Variants in COL11A1 observed in about 807,000 individuals in gnomAD.
COL11A1 encodes the protein collagen type XI alpha 1 chain, also known as collagen alpha-1(XI) chain.
A neutral mutation model predicts 265.2 loss-of-function variants in COL11A1; 74 were observed. The observed-to-expected ratio is 0.28, with a 90% CI of 0.23 to 0.34. The LOEUF is 0.34. COL11A1 is among the 10% of genes least tolerant of loss of function. COL11A1 has a pLI of 1.00. For missense variants in COL11A1, 2,165 were observed against 2,263.6 expected, an observed-to-expected ratio of 0.96 and a Z score of 0.88; for synonymous variants, 816 against 727.6, an observed-to-expected ratio of 1.12 and a Z score of -1.96.
At chr1:102,902,918 T>C (rs1271202620) in intron 54 of COL11A1, among the ~76,000 whole-genome samples, 1 of 151,732 alleles carries the variant, frequency 6.6e-6, no homozygotes, top group East Asian at 1.9e-4. Flanking sequence ...TGTGTGTGCA[T>C]AATAAGTTAA....
At chr1:103,074,867 A>C in intron 3 of COL11A1, 87 bp from the exon 4 acceptor site, 1 of 1,448,908 alleles carries the variant, frequency 6.9e-7, no homozygotes, top group Non-Finnish European at 9.6e-7. Flanking sequence ...GTGTATTTTA[A>C]ATTATAAAAA....
At chr1:103,031,660 G>A (rs1275798590) in intron 4 of COL11A1, among the ~76,000 whole-genome samples, 2 of 151,920 alleles carry the variant, frequency 1.3e-5, no homozygotes, top group African/African-American at 4.8e-5. Flanking sequence ...AGCTCAATAA[G>A]CTTAAAAGGA....
chr1:102,963,730 A>G (rs1661138339), intron 38 of COL11A1, among the ~76,000 whole-genome samples: 1 of 152,154 alleles, frequency 6.6e-6, no homozygotes, highest in Admixed American at 6.5e-5. Flanking sequence ...TAATTATACA[A>G]TTGCTGTAAT....
At chr1:102,988,075 T>C (rs1663756480) in intron 29 of COL11A1, among the ~76,000 whole-genome samples, 1 of 152,066 alleles carries the variant, frequency 6.6e-6, no homozygotes, top group Non-Finnish European at 1.5e-5. Flanking sequence ...AGTTACAATG[T>C]TTATAACTTC....
intron 1 of COL11A1, among the ~76,000 whole-genome samples, chr1:103,083,466 T>A (rs974023172): frequency 9.2e-5 from 14 of 152,186 alleles, no homozygotes; most frequent in African/African-American, 3.4e-4. Flanking sequence ...ATTCATAATC[T>A]AAACAGAGGT....
At chr1:103,000,426 CA>C (rs765382394) in intron 24 of COL11A1, among the ~76,000 whole-genome samples, 1 of 151,606 alleles carries the variant, frequency 6.6e-6, no homozygotes, top group African/African-American at 2.4e-5. Context: ...ATAAATAATC[CA>C]ATTAGAATAT....
intron 4 of COL11A1, among the ~76,000 whole-genome samples, chr1:103,050,937 C>T (rs1669762202): frequency 1.3e-5 from 2 of 152,298 alleles, no homozygotes; most frequent in Admixed American, 1.3e-4. Context: ...ACCACAAATG[C>T]TGCGGCCTGA....
intron 4 of COL11A1, among the ~76,000 whole-genome samples, chr1:103,047,741 G>T (rs1224350173): frequency 2.0e-5 from 3 of 152,012 alleles, no homozygotes; most frequent in Admixed American, 6.6e-5. Context: ...GCTGTGGTTT[G>T]TCATAGATAG....
Position 103,008,499 on chromosome 1 carries a change from A to T in COL11A1, c.1647T>A (p.Ser549=). ...GATCACCACTCTCACCTTTGGCCCC[A>T]GATGAACCAGGCCCCCCCTATAGAG... ...RPGPVGGPGS[S]GAKGESGDPG... is the part of the protein sequence containing the mutation. Residue 549 remains serine, a synonymous_variant, in exon 15 of 67, where the codon TCT becomes TCA. Coordinates refer to ENST00000370096, the MANE Select transcript of COL11A1 (RefSeq NM_001854.4). The T allele has an allele frequency of 6.2e-7, 1 of 1,613,952 alleles. No homozygotes were observed. Among genetic ancestry groups the T allele is most frequent in the Non-Finnish European group, 8.5e-7 (1 of 1,179,886 alleles).
At chr1:103,002,097 C>G (rs902557185) in intron 23 of COL11A1, 128 bp from the exon 24 acceptor site, 6 of 824,232 alleles carry the variant, frequency 7.3e-6, no homozygotes, top group Non-Finnish European at 1.2e-5. Context: ...CCCATACACC[C>G]CAAGGAATTT....
intron 4 of COL11A1, among the ~76,000 whole-genome samples, chr1:103,049,615 G>A (rs936363227): frequency 9.2e-5 from 14 of 152,082 alleles, no homozygotes; most frequent in South Asian, 4.1e-4. Context: ...AGTTAATATC[G>A]TTATGTGTTA....
At chr1:102,991,915 G>C (rs1220336190) in intron 28 of COL11A1, among the ~76,000 whole-genome samples, 1 of 151,216 alleles carries the variant, frequency 6.6e-6, no homozygotes, top group African/African-American at 2.4e-5. Context: ...ATGTGATTGG[G>C]CAATGGCAGA....
At chr1:103,070,674 C>G (rs929320357) in intron 4 of COL11A1, among the ~76,000 whole-genome samples, 8 of 151,746 alleles carry the variant, frequency 5.3e-5, no homozygotes. Flanking sequence ...AAATGGTATA[C>G]TTTTAATATT....
intron 49 of COL11A1, 26 bp from the exon 50 acceptor site, chr1:102,915,710 T>A (rs1373761183): frequency 6.5e-7 from 1 of 1,526,882 alleles, no homozygotes; most frequent in South Asian, 1.1e-5. Flanking sequence ...CAAATTAGTA[T>A]TAGAATACAG....
intron 1 of COL11A1, among the ~76,000 whole-genome samples, chr1:103,086,518 G>A (rs1672876831): frequency 6.6e-6 from 1 of 152,090 alleles, no homozygotes; most frequent in Non-Finnish European, 1.5e-5. Flanking sequence ...CCAGGTTCAC[G>A]CCACTCTCCT....
Position 103,006,243 on chromosome 1 carries a change from C to G in COL11A1, c.1737+19G>C. 1 of 1,600,696 alleles carries G rather than the reference C, an allele frequency of 6.2e-7. No individual in the cohort carries two copies. The highest frequency in any genetic ancestry group is 1.3e-5 in the African/African-American group (1 of 74,526). ...TCATGGCAGATGCCTTCAAAATGCA[C>G]AATGAAAATAAGCCATACCCTTTTT... On this transcript the variant is annotated intron_variant, in intron 16 of 66. Coordinates refer to ENST00000370096, the MANE Select transcript of COL11A1 (RefSeq NM_001854.4).
At chr1:103,021,795 C>T (rs747596927) in intron 8 of COL11A1, 26 bp from the exon 9 acceptor site, 1 of 1,493,426 alleles carries the variant, frequency 6.7e-7, no homozygotes, top group East Asian at 2.3e-5. Flanking sequence ...TTCAAAACAG[C>T]CTAAATGTCT....
At chr1:102,942,324 C>T (rs773576504) in intron 42 of COL11A1, among the ~76,000 whole-genome samples, 8 of 152,122 alleles carry the variant, frequency 5.3e-5, no homozygotes, top group Non-Finnish European at 8.8e-5. Context: ...TTATAGTACA[C>T]ATAATCTCTA....
intron 37 of COL11A1, 23 bp from the exon 38 acceptor site, chr1:102,965,563 G>A: frequency 6.2e-7 from 1 of 1,606,194 alleles, no homozygotes. Flanking sequence ...AGTATTATTT[G>A]TAAAAGCTAC....
Sources: gnomAD v4.1 joint callset for allele counts (sites outside exome capture counted in the v4.1 genomes callset) on GRCh38, gnomAD v4.1.1 for gene constraint, MANE v1.5 for transcripts, NCBI Gene and HGNC (gene_info 2026-07-23, HGNC 2026-07-21) for gene names.